The following AGO3 variants were observed in gnomAD, a reference collection of about 807,000 sequenced individuals.
AGO3 encodes the protein argonaute RISC catalytic component 3.
A neutral mutation model predicts 105.5 loss-of-function variants in AGO3; 16 were observed. The observed-to-expected ratio is 0.15, with a 90% confidence interval of 0.10 to 0.23. AGO3 has a LOEUF of 0.23. Ranked by LOEUF, AGO3 falls within the 10% of genes least tolerant of loss-of-function variation. AGO3 has a pLI of 1.00. For synonymous variants in AGO3, 340 were observed against 367.3 expected (o/e 0.93, Z 0.85); for missense variants, 534 against 1,088.0 (o/e 0.49, Z 7.16).
At chr1:35,972,856 A>ATTTTTT (rs1165696072) in intron 4 of AGO3, among the ~76,000 whole-genome samples, 61 of 122,882 alleles carry the variant, frequency 5.0e-4, no homozygotes, top group East Asian at 3.4e-3. Flanking sequence ...TTAAAAAAAA[A>ATTTTTT]TTTTTTTTTT....
At chr1:36,020,141 C>G (rs988846446) in intron 11 of AGO3, among the ~76,000 whole-genome samples, 7 of 152,126 alleles carry the variant, frequency 4.6e-5, no homozygotes, top group Admixed American at 4.6e-4. Context: ...TTTTTAAGGA[C>G]TCAGGAAGGA....
At chr1:35,982,457 TCAA>T (rs1051281809) in intron 5 of AGO3, among the ~76,000 whole-genome samples, 7 of 152,086 alleles carry the variant, frequency 4.6e-5, no homozygotes, top group Non-Finnish European at 1.0e-4. Flanking sequence ...GCATTCATTC[TCAA>T]CAAGTTAGAA....
intron 2 of AGO3, among the ~76,000 whole-genome samples, chr1:35,955,159 C>CTAA (rs888667544): frequency 6.6e-6 from 1 of 152,136 alleles, no homozygotes; most frequent in Non-Finnish European, 1.5e-5. Flanking sequence ...CCAATAGAAC[C>CTAA]TTTTAAACAA....
rs1641537446 is a variant in AGO3, at chr1:36,027,052, T to G, written c.1407-62T>G. On this transcript the variant is annotated intron_variant, in intron 11 of 18. Coordinates refer to ENST00000373191, the MANE Select transcript of AGO3 (RefSeq NM_024852.4). The surrounding 1 kb of genome is among the most constrained non-coding windows in gnomAD (Gnocchi z 4.0). ...TCCATTCCCTTCCCAAACTTCCCAT[T>G]ACTACTTTGTAGGAATTCATGACTA... 1.3e-6 allele frequency: 2 copies of G among 1,532,196 alleles called. No individual in the cohort carries two copies. The highest frequency in any genetic ancestry group is 1.8e-6 in the Non-Finnish European group (2 of 1,134,558). The allele number at this position is 1,532,196 out of a possible 1,614,324, so 94.9% of individuals were successfully genotyped here.
intron 11 of AGO3, among the ~76,000 whole-genome samples, chr1:36,026,493 A>G (rs1641511115): frequency 6.6e-6 from 1 of 152,204 alleles, no homozygotes; most frequent in South Asian, 2.1e-4. Flanking sequence ...TGAGATAGGT[A>G]ATACTATAGA....
chr1:36,010,767 A>ATGGGAT (rs1216579515), intron 9 of AGO3, among the ~76,000 whole-genome samples: 1 of 151,950 alleles, frequency 6.6e-6, no homozygotes, highest in Non-Finnish European at 1.5e-5. Flanking sequence ...TTAGCCAGGC[A>ATGGGAT]TAGTGGCGCA....
chr1:35,937,431 A>T (rs1646170774), intron 1 of AGO3, among the ~76,000 whole-genome samples: 1 of 151,742 alleles, frequency 6.6e-6, no homozygotes, highest in Non-Finnish European at 1.5e-5. Context: ...GGTGGCTCCC[A>T]CCTGTAATCC....
Position 36,008,550 on chromosome 1 carries a change from G to A in AGO3, c.794-140G>A. ...ATTAGCAATGTTATATGTAAAATCT[G>A]GTGTTTATATCATCTTGCCTGTATC... On this transcript the variant is annotated intron_variant, in intron 6 of 18. Coordinates refer to ENST00000373191, the MANE Select transcript of AGO3 (RefSeq NM_024852.4). The surrounding 1 kb of genome is among the most constrained non-coding windows in gnomAD (Gnocchi z 5.1). 2.8e-6 allele frequency: 2 copies of A among 721,522 alleles called. No homozygotes were observed. Among genetic ancestry groups the A allele is most frequent in the Non-Finnish European group, 4.5e-6 (2 of 443,656 alleles). The allele number at this position is 721,522 out of a possible 1,614,324, so 44.7% of individuals were successfully genotyped here. A position where few individuals can be genotyped will look rare whatever the true frequency, so the allele number is the denominator to read the frequency against.
At chr1:36,035,858 C>T (rs1481227732) in intron 13 of AGO3, among the ~76,000 whole-genome samples, 1 of 151,746 alleles carries the variant, frequency 6.6e-6, no homozygotes, top group Non-Finnish European at 1.5e-5. Context: ...TGGTGAAACC[C>T]CATCTCTACT....
intron 5 of AGO3, among the ~76,000 whole-genome samples, chr1:35,993,738 CTTTTTTTT>C (rs141978570): frequency 1.1e-5 from 1 of 90,780 alleles, no homozygotes; most frequent in Non-Finnish European, 2.2e-5. Context: ...CCACCCCCTG[CTTTTTTTT>C]TTTTTTTTTT....
At chr1:36,033,211 C>T (rs1641860055) in intron 12 of AGO3, among the ~76,000 whole-genome samples, 1 of 151,922 alleles carries the variant, frequency 6.6e-6, no homozygotes, top group Admixed American at 6.6e-5. Flanking sequence ...GTGGTGCACA[C>T]CTGTAATCCC....
chr1:35,977,602 A>G (rs1005202268), intron 5 of AGO3, among the ~76,000 whole-genome samples: 5 of 152,062 alleles, frequency 3.3e-5, no homozygotes, highest in Admixed American at 1.3e-4. Context: ...CATGTTGCCC[A>G]GGCTGGTCTC....
intron 17 of AGO3, among the ~76,000 whole-genome samples, chr1:36,049,852 C>T (rs1260318886): frequency 6.6e-6 from 1 of 151,942 alleles, no homozygotes; most frequent in Non-Finnish European, 1.5e-5. Flanking sequence ...ATCAATTTAC[C>T]AAGAGGATAT....
At chr1:36,049,328 G>C (rs186383054) in intron 17 of AGO3, among the ~76,000 whole-genome samples, 22 of 152,166 alleles carry the variant, frequency 1.4e-4, no homozygotes, top group African/African-American at 4.3e-4. Flanking sequence ...GACTGTCTTG[G>C]CCAACATGGT....
chr1:35,949,069 G>T (rs1417230899), intron 2 of AGO3, among the ~76,000 whole-genome samples: 1 of 151,888 alleles, frequency 6.6e-6, no homozygotes, highest in Non-Finnish European at 1.5e-5. Flanking sequence ...TCAGCCTCCC[G>T]AGTAGCTGGA....
At chr1:36,054,658 A>G (rs1433261258) in intron 17 of AGO3, among the ~76,000 whole-genome samples, 3 of 152,182 alleles carry the variant, frequency 2.0e-5, no homozygotes, top group Non-Finnish European at 2.9e-5. Context: ...AGGCAGGCAG[A>G]TCGTTTAAGG....
intron 5 of AGO3, among the ~76,000 whole-genome samples, chr1:35,999,117 C>A (rs1408493224): frequency 6.6e-6 from 1 of 152,118 alleles, no homozygotes; most frequent in Non-Finnish European, 1.5e-5. Flanking sequence ...CTTTGGGAGG[C>A]CAAAGCAGGT....
intron 9 of AGO3, among the ~76,000 whole-genome samples, chr1:36,011,952 T>G (rs536301532): frequency 6.6e-6 from 1 of 152,218 alleles, no homozygotes; most frequent in Non-Finnish European, 1.5e-5. Context: ...TTAGTTGTTA[T>G]AGTATAGTCG....
chr1:36,022,062 CTTTT>C (rs34538981), intron 11 of AGO3, among the ~76,000 whole-genome samples: 3 of 110,296 alleles, frequency 2.7e-5, no homozygotes, highest in Admixed American at 1.1e-4. Context: ...AGTTGGGGGC[CTTTT>C]TTTTTTTTTT....
Sources: gnomAD v4.1 joint callset for allele counts (sites outside exome capture counted in the v4.1 genomes callset) on GRCh38, gnomAD v4.1.1 for gene constraint, Gnocchi (gnomAD v3.1) non-coding constraint, MANE v1.5 for transcripts, NCBI Gene and HGNC (gene_info 2026-07-23, HGNC 2026-07-21) for gene names.